Variants in OSBPL10 observed in about 807,000 individuals in gnomAD.
The protein encoded by OSBPL10 is oxysterol binding protein like 10.
In OSBPL10, 49 loss-of-function variants were observed where a neutral mutation model predicts 81.7. That is an observed-to-expected ratio of 0.60 (90% CI 0.48 to 0.76). The LOEUF (loss-of-function observed/expected upper bound fraction) is 0.76. Ranked by LOEUF, OSBPL10 falls within the 30% of genes least tolerant of loss-of-function variation. The pLI, the probability that OSBPL10 is intolerant of heterozygous loss-of-function variation, is 0.00. For synonymous variants in OSBPL10, 419 were observed against 383.6 expected, an observed-to-expected ratio of 1.09 and a Z score of -1.08; for missense variants, 923 against 987.8, an observed-to-expected ratio of 0.93 and a Z score of 0.88.
chr3:31,991,325 T>A (rs1326060681), intron 2 of OSBPL10: 2 of 236,158 alleles, frequency 8.5e-6, no homozygotes, highest in Non-Finnish European at 1.8e-5. Flanking sequence ...GGGTATTGTG[T>A]TGAATCTAAA....
chr3:31,893,452 C>G (rs2125662777), intron 1 of OSBPL10, among the ~76,000 whole-genome samples: 1 of 152,310 alleles, frequency 6.6e-6, no homozygotes, highest in East Asian at 1.9e-4. Context: ...CCTTTCCACA[C>G]TCTTGGTAGG....
chr3:31,801,575 C>T (rs1699379286), intron 4 of OSBPL10, among the ~76,000 whole-genome samples: 2 of 152,206 alleles, frequency 1.3e-5, no homozygotes, highest in Non-Finnish European at 2.9e-5. Context: ...AGGTCTATCC[C>T]TGCAGGAACC....
chr3:31,843,710 C>G (rs1700560162), intron 3 of OSBPL10, among the ~76,000 whole-genome samples: 1 of 152,198 alleles, frequency 6.6e-6, no homozygotes, highest in Non-Finnish European at 1.5e-5. Context: ...CTTTCCTCCT[C>G]AAGTCTATCA....
intron 1 of OSBPL10, among the ~76,000 whole-genome samples, chr3:31,945,458 T>C (rs1413202664): frequency 1.3e-5 from 2 of 152,242 alleles, no homozygotes; most frequent in East Asian, 1.9e-4. Flanking sequence ...AATCAGGCTT[T>C]GGTTTGTTCA....
At chr3:31,680,519 C>G (rs1700615847) in intron 8 of OSBPL10, among the ~76,000 whole-genome samples, 1 of 152,206 alleles carries the variant, frequency 6.6e-6, no homozygotes, top group African/African-American at 2.4e-5. Context: ...GGTTCCTAGG[C>G]AAGCTGCCTC....
chr3:31,942,537 A>AAG (rs1177383526), intron 1 of OSBPL10, among the ~76,000 whole-genome samples: 1 of 148,182 alleles, frequency 6.7e-6, no homozygotes, highest in East Asian at 2.0e-4. Context: ...TCCATCTCAA[A>AAG]AAAAAAAAAA....
At position 31,768,992 on chromosome 3, in the gene OSBPL10, T is replaced by C. The variant is rs1416840512; in HGVS notation, c.730-20872A>G. ...AAGAATGGACACCTTTGGCAGACAC[T>C]GCACTTTCCTGAGAAGACGGCAGCC... On this transcript the variant is annotated intron_variant, in intron 4 of 11. Coordinates refer to ENST00000396556, the MANE Select transcript of OSBPL10 (RefSeq NM_017784.5). 3.9e-5 allele frequency among the ~76,000 whole-genome samples: 6 copies of C among 152,260 alleles called. No homozygotes were observed. In the East Asian group the frequency reaches 1.2e-3, roughly 29 times the overall value.
At chr3:31,859,905 A>G (rs1701017911) in intron 3 of OSBPL10, among the ~76,000 whole-genome samples, 1 of 152,182 alleles carries the variant, frequency 6.6e-6, no homozygotes, top group South Asian at 2.1e-4. Flanking sequence ...TCCCACATGT[A>G]ATCAGACTGG....
chr3:32,027,205 G>C (rs1699423789), intron 2 of OSBPL10, among the ~76,000 whole-genome samples: 1 of 152,038 alleles, frequency 6.6e-6, no homozygotes, highest in African/African-American at 2.4e-5. Context: ...ACAGGCCCCA[G>C]TGTGTGATGT....
chr3:32,012,750 C>A (rs1486858351), intron 2 of OSBPL10, among the ~76,000 whole-genome samples: 7 of 152,110 alleles, frequency 4.6e-5, no homozygotes. Context: ...GGAGAAAGAT[C>A]TACCAAGCAA....
At chr3:31,679,009 A>G (rs1700567869) in intron 8 of OSBPL10, among the ~76,000 whole-genome samples, 1 of 152,038 alleles carries the variant, frequency 6.6e-6, no homozygotes, top group Non-Finnish European at 1.5e-5. Context: ...CCAGAGCCCC[A>G]AAATCAGATC....
intron 1 of OSBPL10, among the ~76,000 whole-genome samples, chr3:31,941,542 C>G (rs916649834): frequency 1.6e-4 from 25 of 152,332 alleles, no homozygotes; most frequent in South Asian, 1.5e-3. Flanking sequence ...AGCATCAAGT[C>G]TAGACACCTC....
chr3:31,768,443 C>T (rs909991044), intron 4 of OSBPL10, among the ~76,000 whole-genome samples: 1 of 152,150 alleles, frequency 6.6e-6, no homozygotes, highest in African/African-American at 2.4e-5. Flanking sequence ...TCCCTTTAGA[C>T]TTATCTGTGT....
intron 1 of OSBPL10, among the ~76,000 whole-genome samples, chr3:31,905,435 C>A (rs1427285297): frequency 2.0e-5 from 3 of 148,596 alleles, no homozygotes. Flanking sequence ...CTGCAACCTC[C>A]GTCTCCCGGG....
intron 2 of OSBPL10, among the ~76,000 whole-genome samples, chr3:32,042,584 C>A (rs151197332): frequency 3.2e-3 from 491 of 152,084 alleles, no homozygotes; most frequent in Admixed American, 5.9e-3. Context: ...AATGTAGGTT[C>A]TTTCTATTTT....
chr3:31,743,270 C>G (rs1697414853), intron 5 of OSBPL10, among the ~76,000 whole-genome samples: 1 of 151,964 alleles, frequency 6.6e-6, no homozygotes, highest in African/African-American at 2.4e-5. Flanking sequence ...AACTCCTGTC[C>G]TCAAGTGATC....
intron 5 of OSBPL10, 135 bp from the exon 6 acceptor site, chr3:31,733,546 A>T (rs1697040487): frequency 1.0e-6 from 1 of 992,432 alleles, no homozygotes; most frequent in Non-Finnish European, 1.5e-6. Context: ...CTTGTTTTGA[A>T]TGAAGTACCA....
intron 1 of OSBPL10, among the ~76,000 whole-genome samples, chr3:31,965,417 T>C (rs1698298347): frequency 8.9e-6 from 1 of 112,360 alleles, no homozygotes. Context: ...ATATATATTA[T>C]ATATAATAGA....
At chr3:31,687,798 G>T (rs1486218514) in intron 7 of OSBPL10, among the ~76,000 whole-genome samples, 3 of 152,100 alleles carry the variant, frequency 2.0e-5, no homozygotes, top group African/African-American at 7.2e-5. Flanking sequence ...GAAGAGCCAG[G>T]TATGGTGCCT....
Sources: allele counts gnomAD v4.1 joint callset (sites outside exome capture counted in the v4.1 genomes callset), GRCh38; gene constraint gnomAD v4.1.1; transcripts MANE v1.5; gene names NCBI Gene and HGNC (gene_info 2026-07-23, HGNC 2026-07-21).